Variants in TFDP2 observed in about 807,000 individuals in gnomAD.
TFDP2 encodes the protein transcription factor Dp-2 (E2F dimerization partner 2).
A neutral mutation model predicts 59.3 loss-of-function variants in TFDP2; 17 were observed. The observed-to-expected ratio is 0.29, with a 90% CI of 0.20 to 0.43. TFDP2 has a LOEUF of 0.43. TFDP2 is among the 20% of genes least tolerant of loss of function. The pLI is 1.00. For synonymous variants in TFDP2, 180 were observed against 194.7 expected (o/e 0.92, Z 0.63); for missense variants, 391 against 528.8 (o/e 0.74, Z 2.56).
At position 142,138,987 on chromosome 3, in the gene TFDP2, T is replaced by C. The variant is rs144533735; in HGVS notation, c.-93+10196A>G. ...GGATGTTAAAGTCTCTCATTATTAT[T>C]GTGTGGGAGTCTAAGTCTCTTTGTA... On this transcript the variant is annotated intron_variant, in intron 1 of 12. Coordinates refer to ENST00000489671, the MANE Select transcript of TFDP2 (RefSeq NM_001178139.2). Among the ~76,000 whole-genome samples the C allele has an allele frequency of 3.5e-4, 54 of 152,310 alleles. No homozygotes were observed. The East Asian group carries it at 0.01, about 29-fold the overall frequency.
chr3:142,034,885 T>C (rs970703686), intron 3 of TFDP2, among the ~76,000 whole-genome samples: 2 of 152,108 alleles, frequency 1.3e-5, no homozygotes, highest in Non-Finnish European at 2.9e-5. Context: ...TTTTTGTATA[T>C]TTAGTAGTGA....
chr3:142,052,249 T>A (rs1947666673), intron 3 of TFDP2, among the ~76,000 whole-genome samples: 1 of 151,946 alleles, frequency 6.6e-6, no homozygotes, highest in Non-Finnish European at 1.5e-5. Flanking sequence ...GAGAAAACCT[T>A]AGTATTGGCC....
intron 3 of TFDP2, among the ~76,000 whole-genome samples, chr3:142,011,326 A>C (rs1944662769): frequency 7.6e-6 from 1 of 131,020 alleles, no homozygotes; most frequent in South Asian, 2.7e-4. Context: ...CATTCTCAGT[A>C]AACTATCGCA....
At chr3:142,061,419 C>T (rs953579025) in intron 3 of TFDP2, among the ~76,000 whole-genome samples, 3 of 151,666 alleles carry the variant, frequency 2.0e-5, no homozygotes, top group African/African-American at 7.3e-5. Flanking sequence ...TAAAGGATGC[C>T]CAGATAGCTG....
At chr3:141,974,020 C>T (rs918790036) in intron 8 of TFDP2, 28 bp downstream of exon 8, 2 of 1,598,114 alleles carry the variant, frequency 1.3e-6, no homozygotes, top group Admixed American at 3.6e-5. Flanking sequence ...ATGCAAACAG[C>T]TATTCATAAA....
chr3:141,965,454 G>T (rs927597121), intron 9 of TFDP2, among the ~76,000 whole-genome samples: 3 of 149,358 alleles, frequency 2.0e-5, no homozygotes, highest in African/African-American at 7.4e-5. Flanking sequence ...CTATGACTGT[G>T]CCACTACATT....
chr3:141,973,118 TA>T (rs1406332666), intron 8 of TFDP2, among the ~76,000 whole-genome samples: 1,685 of 87,484 alleles, frequency 0.019, 22 homozygotes, highest in Non-Finnish European at 0.022. Context: ...TATATATATA[TA>T]TATATTTTTT....
intron 1 of TFDP2, among the ~76,000 whole-genome samples, chr3:142,110,338 T>C (rs1189289748): frequency 6.6e-6 from 1 of 152,018 alleles, no homozygotes; most frequent in African/African-American, 2.4e-5. Context: ...ACCCTGTCTC[T>C]ACTAAAAATA....
In TFDP2 at chr3:142,048,874, G is replaced by A. The variant is rs887133973; in HGVS notation, c.83-43330C>T. Among the ~76,000 whole-genome samples the A allele has an allele frequency of 2.4e-4, 36 of 152,124 alleles. 1 individual carries two copies. Among genetic ancestry groups the A allele is most frequent in the African/African-American group, 8.4e-4 (35 of 41,422 alleles). On this transcript the variant is annotated intron_variant, in intron 3 of 12. Transcript: ENST00000489671. ...AGCCACTGTGCCCAGCCCGAAAGAC[G>A]TAATTTGAACTGCCTCTATCACTTG... is the stretch of plus-strand genomic sequence containing the variant.
chr3:141,971,917 A>G (rs576292461), intron 8 of TFDP2, among the ~76,000 whole-genome samples: 10 of 152,216 alleles, frequency 6.6e-5, no homozygotes, highest in Non-Finnish European at 1.0e-4. Context: ...TCTACTTACT[A>G]GTGAGGTGTT....
intron 9 of TFDP2, among the ~76,000 whole-genome samples, chr3:141,964,794 TC>T (rs1224358301): frequency 1.3e-5 from 2 of 152,172 alleles, no homozygotes; most frequent in African/African-American, 4.8e-5. Context: ...ACAGAACTTC[TC>T]AGCAGCCTCT....
chr3:142,139,735 C>A (rs913856948), intron 1 of TFDP2, among the ~76,000 whole-genome samples: 6 of 152,160 alleles, frequency 3.9e-5, no homozygotes, highest in African/African-American at 1.4e-4. Context: ...CCGAGAGATC[C>A]GCTGTTAGTC....
intron 11 of TFDP2, among the ~76,000 whole-genome samples, chr3:141,959,454 T>C (rs1204646584): frequency 1.3e-5 from 2 of 152,132 alleles, no homozygotes; most frequent in Non-Finnish European, 2.9e-5. Context: ...TTAGATGTAA[T>C]AGTATATAAT....
intron 3 of TFDP2, among the ~76,000 whole-genome samples, chr3:142,049,300 G>A (rs1310479277): frequency 6.6e-6 from 1 of 152,128 alleles, no homozygotes; most frequent in African/African-American, 2.4e-5. Context: ...AATGGCAGAA[G>A]GTTGATTTAA....
intron 6 of TFDP2, among the ~76,000 whole-genome samples, chr3:141,988,079 G>T (rs1276988404): frequency 6.6e-6 from 1 of 150,484 alleles, no homozygotes; most frequent in Non-Finnish European, 1.5e-5. Flanking sequence ...CCAAATAGCT[G>T]GGACTACAGG....
chr3:141,971,421 C>T (rs949429601), intron 8 of TFDP2, among the ~76,000 whole-genome samples: 6 of 150,076 alleles, frequency 4.0e-5, no homozygotes, highest in Middle Eastern at 3.5e-3. Flanking sequence ...TGTTGGCAGG[C>T]GCCTGTAATC....
chr3:142,054,514 T>C lies in TFDP2; in HGVS notation c.82+38547A>G, dbSNP rs115195333. ...TATTTATGTATCAGTTCTCCTTAAA[T>C]CAACTATAAACCCTCTGCTATAGGG... is the stretch of plus-strand genomic sequence containing the variant. On this transcript the variant is annotated intron_variant, in intron 3 of 12. Coordinates refer to ENST00000489671, the MANE Select transcript of TFDP2 (RefSeq NM_001178139.2). Among the ~76,000 whole-genome samples the C allele has an allele frequency of 3.3e-3, 510 of 152,330 alleles. 2 individuals are homozygous for C. Among genetic ancestry groups the C allele is most frequent in the African/African-American group, 0.012 (480 of 41,568 alleles).
At chr3:142,045,429 C>T (rs976094334) in intron 3 of TFDP2, among the ~76,000 whole-genome samples, 3 of 151,064 alleles carry the variant, frequency 2.0e-5, no homozygotes, top group Admixed American at 6.6e-5. Context: ...CAAAGTGCTG[C>T]GATTACAGGT....
In TFDP2 at chr3:141,945,284, C is replaced by T. The variant is rs746904445; in HGVS notation, c.*7229G>A. On this transcript the variant is annotated 3_prime_UTR_variant, in exon 13 of 13. Transcript: ENST00000489671. Reference sequence around the variant, plus strand: ...AGCTGGGATTACAGGCATGCGCCACCACACCCGGCTAATTTTATATTTTTA... The same window carrying T: ...AGCTGGGATTACAGGCATGCGCCACTACACCCGGCTAATTTTATATTTTTA... 1 of 152,138 alleles carries T rather than the reference C, an allele frequency of 6.6e-6. No homozygotes were observed. Among genetic ancestry groups the T allele is most frequent in the East Asian group, 1.9e-4 (1 of 5,206 alleles). The allele number at this position is 152,138 out of a possible 1,614,324, so 9.4% of individuals were successfully genotyped here. A position where few individuals can be genotyped will look rare whatever the true frequency, so the allele number is the denominator to read the frequency against.
Sources: allele counts gnomAD v4.1 joint callset (sites outside exome capture counted in the v4.1 genomes callset), GRCh38; gene constraint gnomAD v4.1.1; transcripts MANE v1.5; gene names NCBI Gene and HGNC (gene_info 2026-07-23, HGNC 2026-07-21).